The following TAF3 variants were observed in gnomAD, a reference collection of about 807,000 sequenced individuals.
TAF3 encodes TATA-box binding protein associated factor 3, also known as transcription initiation factor TFIID subunit 3.
Under a neutral mutation model 80.6 loss-of-function variants are expected in TAF3, and 7 were observed. The observed-to-expected ratio is 0.09, with a 90% CI of 0.05 to 0.16. The LOEUF is 0.16. Among genes scored for constraint, TAF3 ranks in the 10% least tolerant of loss-of-function variants. The probability of loss-of-function intolerance (pLI) is 1.00; values close to 1 mark genes in which losing one functional copy is unlikely to be tolerated. For synonymous variants in TAF3, 444 were observed against 446.1 expected (o/e 1.00, Z 0.06); for missense variants, 921 against 1,140.2 (o/e 0.81, Z 2.77).
At chr10:7,959,817 A>G (rs1838172019) in intron 2 of TAF3, among the ~76,000 whole-genome samples, 1 of 152,238 alleles carries the variant, frequency 6.6e-6, no homozygotes, top group East Asian at 1.9e-4. Flanking sequence ...ATCTTACTAT[A>G]CAGAAAAATC....
In TAF3 at chr10:7,954,793, A is replaced by G. The variant is rs180924095; in HGVS notation, c.410-9127A>G. On this transcript the variant is annotated intron_variant, in intron 2 of 6. Coordinates refer to ENST00000344293, the MANE Select transcript of TAF3 (RefSeq NM_031923.4). Reference sequence around the variant, plus strand: ...CCTAGTGAGATTCAGAGTGCCCTCCATAGGCGAATGAGTGAATTAGTTCTA... The same window carrying G: ...CCTAGTGAGATTCAGAGTGCCCTCCGTAGGCGAATGAGTGAATTAGTTCTA... 7.1e-5 allele frequency among the ~76,000 whole-genome samples: 10 copies of G among 140,856 alleles called. 1 individual carries two copies. The East Asian group carries it at 2.3e-3, about 33-fold the overall frequency. The allele number at this position is 140,856 out of a possible 152,430, so 92.4% of individuals were successfully genotyped here.
At chr10:7,906,092 G>C (rs999228154) in intron 2 of TAF3, among the ~76,000 whole-genome samples, 17 of 152,122 alleles carry the variant, frequency 1.1e-4, no homozygotes, top group African/African-American at 4.1e-4. Context: ...TATGAAAGGA[G>C]TTTTCTTTTA....
rs1033128505 is a variant in TAF3 at position 7,873,627 on chromosome 10, C to A, written c.409+49067C>A. On this transcript the variant is annotated intron_variant, in intron 2 of 6. Transcript: ENST00000344293. ...AAGACATCCGAGTTCTCCCCCCCCC[C>A]CCGTCAAAAGGGGGTGTCGAATTTG... Among the ~76,000 whole-genome samples the A allele has an allele frequency of 9.4e-5, 14 of 148,948 alleles. 1 individual carries two copies. The highest frequency in any genetic ancestry group is 1.6e-4 in the Non-Finnish European group (11 of 67,028).
intron 2 of TAF3, among the ~76,000 whole-genome samples, chr10:7,874,042 G>A (rs1837292758): frequency 6.6e-6 from 1 of 152,154 alleles, no homozygotes; most frequent in Non-Finnish European, 1.5e-5. Flanking sequence ...AAGTGCATTA[G>A]GATCAATAGG....
chr10:7,861,895 C>T (rs1422173547), intron 2 of TAF3, among the ~76,000 whole-genome samples: 9 of 152,122 alleles, frequency 5.9e-5, no homozygotes, highest in African/African-American at 2.2e-4. Flanking sequence ...ATATTTTTTC[C>T]CTATCATCTC....
At chr10:7,922,628 T>C (rs1333302973) in intron 2 of TAF3, among the ~76,000 whole-genome samples, 3 of 152,238 alleles carry the variant, frequency 2.0e-5, no homozygotes, top group African/African-American at 7.2e-5. Context: ...GACTCTGTTG[T>C]ACCCTGTCCT....
intron 4 of TAF3, among the ~76,000 whole-genome samples, chr10:8,004,294 C>G (rs568314487): frequency 6.6e-6 from 1 of 152,232 alleles, no homozygotes; most frequent in Non-Finnish European, 1.5e-5. Flanking sequence ...GCGATCCACC[C>G]ACCTCGGCCT....
At chr10:7,843,966 C>G (rs1197657401) in intron 2 of TAF3, among the ~76,000 whole-genome samples, 2 of 152,064 alleles carry the variant, frequency 1.3e-5, no homozygotes, top group African/African-American at 4.8e-5. Flanking sequence ...CTTTCAATTT[C>G]TGTTAGTGTT....
At chr10:7,913,568 C>G (rs545380775) in intron 2 of TAF3, among the ~76,000 whole-genome samples, 3 of 152,212 alleles carry the variant, frequency 2.0e-5, no homozygotes, top group Non-Finnish European at 4.4e-5. Context: ...ACCACCCAAT[C>G]TGGCAAACCT....
intron 4 of TAF3, among the ~76,000 whole-genome samples, chr10:8,002,293 G>A (rs59915097): frequency 0.011 from 1,641 of 151,950 alleles, 27 homozygotes; most frequent in African/African-American, 0.038. Flanking sequence ...TTGATATCCC[G>A]TATTTCTCTC....
intron 4 of TAF3, among the ~76,000 whole-genome samples, chr10:7,998,261 A>G (rs868407127): frequency 0.05 from 2,932 of 58,764 alleles, 101 homozygotes; most frequent in African/African-American, 0.12. Flanking sequence ...ATATATATAT[A>G]TATGTATATA....
chr10:7,853,637 A>G (rs1837050405), intron 2 of TAF3, among the ~76,000 whole-genome samples: 1 of 152,250 alleles, frequency 6.6e-6, no homozygotes, highest in Non-Finnish European at 1.5e-5. Flanking sequence ...CTTTAGATTA[A>G]ACTAGAGGTC....
At chr10:7,936,997 G>C (rs7900324) in intron 2 of TAF3, among the ~76,000 whole-genome samples, 2 of 151,862 alleles carry the variant, frequency 1.3e-5, no homozygotes, top group African/African-American at 2.4e-5. Flanking sequence ...AGATTCCTCT[G>C]TATCTTTTTA....
chr10:8,002,952 T>C (rs1240656880), intron 4 of TAF3, among the ~76,000 whole-genome samples: 1 of 152,138 alleles, frequency 6.6e-6, no homozygotes, highest in East Asian at 1.9e-4. Context: ...TTATCACTGA[T>C]GGTTCTTGCC....
chr10:7,906,620 A>T (rs1215381923), intron 2 of TAF3, among the ~76,000 whole-genome samples: 1 of 152,066 alleles, frequency 6.6e-6, no homozygotes. Flanking sequence ...AAGGCTCCTT[A>T]TACTTTTTTT....
chr10:7,891,996 T>G (rs1837460688), intron 2 of TAF3, among the ~76,000 whole-genome samples: 3 of 152,238 alleles, frequency 2.0e-5, no homozygotes, highest in Non-Finnish European at 2.9e-5. Context: ...GATAGTTAAC[T>G]TATGACCAAT....
intron 2 of TAF3, among the ~76,000 whole-genome samples, chr10:7,843,545 A>G (rs1044172346): frequency 6.6e-6 from 1 of 152,114 alleles, no homozygotes; most frequent in Non-Finnish European, 1.5e-5. Flanking sequence ...TATTTAAAAT[A>G]CTACTTAAAT....
At chr10:7,920,375 T>A (rs930793675) in intron 2 of TAF3, among the ~76,000 whole-genome samples, 13 of 151,720 alleles carry the variant, frequency 8.6e-5, no homozygotes, top group African/African-American at 3.2e-4. Flanking sequence ...TTGTTGAGTT[T>A]TTTCCCCTAC....
intron 2 of TAF3, among the ~76,000 whole-genome samples, chr10:7,935,499 G>T (rs1260517568): frequency 6.6e-6 from 1 of 151,916 alleles, no homozygotes; most frequent in Non-Finnish European, 1.5e-5. Context: ...CAGGAGAATG[G>T]CGTGAACCCG....
Sources: allele counts gnomAD v4.1 joint callset (sites outside exome capture counted in the v4.1 genomes callset), GRCh38; gene constraint gnomAD v4.1.1; transcripts MANE v1.5; gene names NCBI Gene and HGNC (gene_info 2026-07-23, HGNC 2026-07-21).